Variants in SORCS2 observed in about 807,000 individuals in gnomAD.
SORCS2 encodes VPS10 domain-containing receptor SorCS2.
In SORCS2, 100 loss-of-function variants were observed where a neutral mutation model predicts 141.6. The ratio of observed to expected loss-of-function variants is 0.71; its 90% CI spans 0.60 to 0.83. The LOEUF (loss-of-function observed/expected upper bound fraction) is 0.83, where lower values mean the gene tolerates loss of function less well. Ranked by LOEUF, SORCS2 falls within the 40% of genes least tolerant of loss-of-function variation. The probability of loss-of-function intolerance (pLI) is 0.00; values close to 1 mark genes in which losing one functional copy is unlikely to be tolerated. For synonymous variants in SORCS2, 789 were observed against 676.9 expected, an observed-to-expected ratio of 1.17 and a Z score of -2.57; for missense variants, 1,646 against 1,560.2, an observed-to-expected ratio of 1.05 and a Z score of -0.93.
intron 1 of SORCS2, among the ~76,000 whole-genome samples, chr4:7,207,531 C>T (rs1727818534): frequency 6.6e-6 from 1 of 152,198 alleles, no homozygotes; most frequent in Non-Finnish European, 1.5e-5. Flanking sequence ...CTCCCCAGTC[C>T]TCCAGGCCTG....
intron 3 of SORCS2, among the ~76,000 whole-genome samples, chr4:7,559,757 C>T (rs1406726776): frequency 1.1e-4 from 16 of 152,204 alleles, no homozygotes; most frequent in Admixed American, 9.8e-4. Flanking sequence ...ACAATAGTTT[C>T]CCCCTCCGGG....
chr4:7,688,170 T>A (rs549754503), intron 10 of SORCS2, among the ~76,000 whole-genome samples: 4 of 152,204 alleles, frequency 2.6e-5, no homozygotes, highest in Admixed American at 1.3e-4. Context: ...AGACATGAAA[T>A]GAAGAGAGAG....
intron 2 of SORCS2, among the ~76,000 whole-genome samples, chr4:7,469,443 C>T (rs570430898): frequency 2.4e-4 from 37 of 152,288 alleles, no homozygotes; most frequent in East Asian, 5.8e-4. Context: ...TTGGAATGTG[C>T]GGTTCATGTA....
At chr4:7,195,559 G>A (rs2108848742) in intron 1 of SORCS2, among the ~76,000 whole-genome samples, 1 of 152,338 alleles carries the variant, frequency 6.6e-6, no homozygotes, top group East Asian at 1.9e-4. Context: ...GGCTGCAGGA[G>A]TTTGACCTTG....
At chr4:7,511,022 T>C (rs1732610408) in intron 2 of SORCS2, among the ~76,000 whole-genome samples, 1 of 152,142 alleles carries the variant, frequency 6.6e-6, no homozygotes, top group Non-Finnish European at 1.5e-5. Context: ...CCACATATGG[T>C]CCCCAGACCT....
rs148030271 is a variant in SORCS2, at chr4:7,592,317, G to A, written c.649-46011G>A. The stretch of plus-strand genomic sequence containing the variant: ...CTGGTATTTTGGAACCAAATAGGCC[G>A]GTTCTACAGTTGCCTTACTCGCCCT... On this transcript the variant is annotated intron_variant, in intron 3 of 26. Coordinates refer to ENST00000507866, the MANE Select transcript of SORCS2 (RefSeq NM_020777.3). 1.4e-3 allele frequency among the ~76,000 whole-genome samples: 213 copies of A among 152,212 alleles called. 2 individuals are homozygous for A. The highest frequency in any genetic ancestry group is 4.6e-3 in the African/African-American group (189 of 41,512).
intron 2 of SORCS2, among the ~76,000 whole-genome samples, chr4:7,464,790 T>C (rs1003883845): frequency 2.6e-5 from 4 of 152,190 alleles, no homozygotes; most frequent in African/African-American, 4.8e-5. Flanking sequence ...CTATGGAATG[T>C]ACTTGTTTGT....
At chr4:7,604,712 G>A (rs968529413) in intron 3 of SORCS2, among the ~76,000 whole-genome samples, 7 of 152,282 alleles carry the variant, frequency 4.6e-5, no homozygotes, top group South Asian at 4.2e-4. Flanking sequence ...TAAGTTTCCC[G>A]AGGCCTGCCC....
intron 25 of SORCS2, among the ~76,000 whole-genome samples, chr4:7,735,844 T>C (rs940275133): frequency 2.0e-5 from 3 of 152,302 alleles, no homozygotes; most frequent in Admixed American, 6.5e-5. Flanking sequence ...CTCCAGCCTA[T>C]ATCCCATGGC....
intron 3 of SORCS2, among the ~76,000 whole-genome samples, chr4:7,602,136 G>C (rs561609851): frequency 3.3e-5 from 5 of 152,200 alleles, no homozygotes; most frequent in Admixed American, 3.3e-4. Flanking sequence ...ACTTCCACTC[G>C]ACAAAACCGC....
At chr4:7,586,966 G>A (rs1716577310) in intron 3 of SORCS2, among the ~76,000 whole-genome samples, 2 of 152,024 alleles carry the variant, frequency 1.3e-5, no homozygotes, top group Admixed American at 1.3e-4. Flanking sequence ...GTGTTGGACT[G>A]TAGAGCTCAG....
chr4:7,342,625 C>T (rs1665619826), intron 1 of SORCS2, among the ~76,000 whole-genome samples: 3 of 152,140 alleles, frequency 2.0e-5, no homozygotes, highest in South Asian at 2.1e-4. Context: ...GGCCTGCTTG[C>T]ACCCCCTAGC....
intron 3 of SORCS2, among the ~76,000 whole-genome samples, chr4:7,627,494 G>T (rs1577861187): frequency 6.6e-6 from 1 of 152,172 alleles, no homozygotes; most frequent in Non-Finnish European, 1.5e-5. Context: ...GCCCTCGTCC[G>T]CCTAGTTGAG....
In SORCS2 at chr4:7,602,348, C is replaced by T. The variant is rs371896110; in HGVS notation, c.649-35980C>T. ...GCGGCTGCTGGGCGGAGACGCTCCTCACTTCCCAGACGGGGCGGCTGCTGG... is the reference window on the plus strand; with the variant it reads ...GCGGCTGCTGGGCGGAGACGCTCCTTACTTCCCAGACGGGGCGGCTGCTGG... On this transcript the variant is annotated intron_variant, in intron 3 of 26. Transcript: ENST00000507866. 8.7e-4 allele frequency among the ~76,000 whole-genome samples: 132 copies of T among 152,082 alleles called. 2 individuals carry two copies. The East Asian group carries it at 0.022, about 25-fold the overall frequency.
rs1722171124 is a variant in SORCS2, at chr4:7,661,577, G to C, written c.952+13G>C. On this transcript the variant is annotated intron_variant, in intron 6 of 26. Transcript: ENST00000507866. The stretch of plus-strand genomic sequence containing the variant: ...GACCTCGGTGGAGGTAAGCCGGGCA[G>C]TGCACAGGCACCGGGTATCCCTGAG... The C allele has an allele frequency of 6.4e-7, 1 of 1,551,328 alleles. No individual in the cohort carries two copies. The highest frequency in any genetic ancestry group is 2.0e-5 in the Admixed American group (1 of 50,962).
At chr4:7,374,162 T>TCTTTCTTTCTTTCTTTCTTC (rs1560229378) in intron 1 of SORCS2, among the ~76,000 whole-genome samples, 3 of 147,756 alleles carry the variant, frequency 2.0e-5, no homozygotes, top group African/African-American at 7.7e-5. Context: ...TTTCTTTCTT[T>TCTTTCTTTCTTTCTTTCTTC]CTTTCTTTCT....
chr4:7,342,295 C>T (rs567146396), intron 1 of SORCS2, among the ~76,000 whole-genome samples: 106 of 152,336 alleles, frequency 7.0e-4, no homozygotes, highest in African/African-American at 2.1e-3. Flanking sequence ...ACACTGTCGG[C>T]GGAGGGCTGC....
At chr4:7,662,248 C>T (rs1384221021) in intron 6 of SORCS2, among the ~76,000 whole-genome samples, 2 of 150,560 alleles carry the variant, frequency 1.3e-5, no homozygotes, top group Non-Finnish European at 3.0e-5. Context: ...CACCCCCACC[C>T]TGCCACACTT....
chr4:7,603,199 A>C (rs1016633068), intron 3 of SORCS2, among the ~76,000 whole-genome samples: 5 of 151,812 alleles, frequency 3.3e-5, no homozygotes, highest in African/African-American at 1.2e-4. Context: ...GGGGAGGGGG[A>C]GAGGGAGAGC....
Sources: allele counts gnomAD v4.1 joint callset (sites outside exome capture counted in the v4.1 genomes callset), GRCh38; gene constraint gnomAD v4.1.1; transcripts MANE v1.5; gene names NCBI Gene and HGNC (gene_info 2026-07-23, HGNC 2026-07-21).